CSMD1: variants seen among roughly 807,000 people sequenced by gnomAD.
CSMD1 encodes the protein CUB and Sushi multiple domains 1.
In CSMD1, 213 loss-of-function variants were observed where a neutral mutation model predicts 417.5. The ratio of observed to expected loss-of-function variants is 0.51; its 90% CI spans 0.46 to 0.57. The LOEUF (loss-of-function observed/expected upper bound fraction) is 0.57. Ranked by LOEUF, CSMD1 falls within the 20% of genes least tolerant of loss-of-function variation. The probability of loss-of-function intolerance (pLI) is 0.00; values close to 1 mark genes in which losing one functional copy is unlikely to be tolerated. For missense variants in CSMD1, 6,923 were observed against 4,529.7 expected (o/e 1.53, Z -15.17); for synonymous variants, 2,862 against 1,736.8 (o/e 1.65, Z -16.11).
chr8:4,046,512 C>G (rs3906471), intron 3 of CSMD1, among the ~76,000 whole-genome samples: 2 of 151,942 alleles, frequency 1.3e-5, no homozygotes, highest in Non-Finnish European at 1.5e-5. Context: ...TTTGTGGTTG[C>G]TGTTGCCTTA....
chr8:4,093,257 A>G (rs1217566837), intron 3 of CSMD1, among the ~76,000 whole-genome samples: 1 of 65,226 alleles, frequency 1.5e-5, no homozygotes, highest in South Asian at 4.4e-4. Context: ...TAATTAAGCT[A>G]AAAAATCACA....
At chr8:3,103,292 G>A (rs1485379014) in intron 46 of CSMD1, among the ~76,000 whole-genome samples, 1 of 152,084 alleles carries the variant, frequency 6.6e-6, no homozygotes, top group African/African-American at 2.4e-5. Flanking sequence ...CAGTTTATCT[G>A]CATCTCGTTA....
intron 10 of CSMD1, among the ~76,000 whole-genome samples, chr8:3,518,151 T>C (rs1027376722): frequency 6.6e-6 from 1 of 152,092 alleles, no homozygotes; most frequent in Non-Finnish European, 1.5e-5. Flanking sequence ...AAAAAAAGAA[T>C]GGAAATATAC....
At chr8:4,183,020 G>A (rs1798465036) in intron 3 of CSMD1, among the ~76,000 whole-genome samples, 1 of 152,170 alleles carries the variant, frequency 6.6e-6, no homozygotes, top group African/African-American at 2.4e-5. Context: ...TACATGGGAT[G>A]AGTAGAAAGT....
chr8:2,944,960 A>C (rs995210220), intron 68 of CSMD1, among the ~76,000 whole-genome samples: 1 of 152,220 alleles, frequency 6.6e-6, no homozygotes, highest in African/African-American at 2.4e-5. Context: ...CATGAAAACA[A>C]AGAACAACAC....
chr8:4,599,949 G>T (rs572593540), intron 2 of CSMD1, among the ~76,000 whole-genome samples: 1 of 152,082 alleles, frequency 6.6e-6, no homozygotes, highest in Non-Finnish European at 1.5e-5. Flanking sequence ...GATCTGACAC[G>T]CATATGCTCT....
intron 3 of CSMD1, among the ~76,000 whole-genome samples, chr8:4,249,928 A>C (rs924408555): frequency 6.6e-6 from 1 of 152,168 alleles, no homozygotes; most frequent in Non-Finnish European, 1.5e-5. Context: ...GGAAGTGTTT[A>C]GGTTATGAGG....
intron 3 of CSMD1, among the ~76,000 whole-genome samples, chr8:4,350,674 G>A (rs191683953): frequency 6.6e-5 from 10 of 152,224 alleles, no homozygotes; most frequent in Non-Finnish European, 1.3e-4. Context: ...GAACAAAGGT[G>A]TATTTTTCAT....
At chr8:4,205,080 A>T (rs1799897262) in intron 3 of CSMD1, among the ~76,000 whole-genome samples, 1 of 152,230 alleles carries the variant, frequency 6.6e-6, no homozygotes, top group Non-Finnish European at 1.5e-5. Context: ...GTTTACTGTA[A>T]ACATCAAATG....
chr8:4,313,925 A>T lies in CSMD1; in HGVS notation c.415+106028T>A, dbSNP rs1318569933. ...GCTACTTGGGAGGCTGAGTCAGGAG[A>T]GTCACTTGAACCTGGGAGGCAGAGG... On this transcript the variant is annotated intron_variant, in intron 3 of 69. Coordinates refer to ENST00000635120, the MANE Select transcript of CSMD1 (RefSeq NM_033225.6). 2.0e-5 allele frequency among the ~76,000 whole-genome samples: 3 copies of T among 151,948 alleles called. No homozygotes were observed. The South Asian group carries it at 6.2e-4, about 32-fold the overall frequency.
chr8:4,284,126 G>C (rs1242700855), intron 3 of CSMD1, among the ~76,000 whole-genome samples: 2 of 152,144 alleles, frequency 1.3e-5, no homozygotes, highest in Non-Finnish European at 2.9e-5. Flanking sequence ...CTAGCATTTT[G>C]GGAGGCCGAG....
chr8:3,762,650 G>A (rs758401000), intron 5 of CSMD1, among the ~76,000 whole-genome samples: 10 of 152,216 alleles, frequency 6.6e-5, no homozygotes, highest in Non-Finnish European at 8.8e-5. Flanking sequence ...TAATCGCCCT[G>A]CTGACGCCGT....
chr8:3,776,071 G>C (rs780611329), intron 5 of CSMD1, among the ~76,000 whole-genome samples: 1 of 152,052 alleles, frequency 6.6e-6, no homozygotes, highest in Non-Finnish European at 1.5e-5. Flanking sequence ...CACCTACCTT[G>C]TCCATACAAA....
intron 3 of CSMD1, among the ~76,000 whole-genome samples, chr8:4,307,217 A>G (rs976084793): frequency 2.0e-4 from 30 of 152,120 alleles, no homozygotes; most frequent in African/African-American, 7.0e-4. Flanking sequence ...CATTATTTTT[A>G]TAATACAGCT....
chr8:4,953,366 A>C (rs1392555739), intron 1 of CSMD1, among the ~76,000 whole-genome samples: 1 of 152,166 alleles, frequency 6.6e-6, no homozygotes, highest in African/African-American at 2.4e-5. Flanking sequence ...CTGAATCACC[A>C]TTTATGGAAG....
rs976210762 is a variant in CSMD1, at chr8:4,519,780, A to G, written c.303-99715T>C. 1.4e-3 allele frequency among the ~76,000 whole-genome samples: 184 copies of G among 131,926 alleles called. 1 individual carries two copies. The highest frequency in any genetic ancestry group is 2.3e-3 in the Non-Finnish European group (144 of 61,496). 86.5% of individuals were successfully genotyped at this position (131,926 alleles called of 152,430 possible). A position where few individuals can be genotyped will look rare whatever the true frequency, so the allele number is the denominator to read the frequency against. On this transcript the variant is annotated intron_variant, in intron 2 of 69. Transcript: ENST00000635120. ...AAAAAAAAAAAAAAAAAAAAAAAAA[A>G]AATTCTTGCCTTTTGGAGCCAGGGA...
chr8:3,971,992 G>A (rs186598572), intron 5 of CSMD1, among the ~76,000 whole-genome samples: 3 of 151,930 alleles, frequency 2.0e-5, no homozygotes, highest in African/African-American at 4.8e-5. Flanking sequence ...CTGCAGCCTT[G>A]ACCTCCCAGG....
At chr8:3,096,796 G>GT in intron 47 of CSMD1, 53 bp downstream of exon 47, 1 of 1,137,894 alleles carries the variant, frequency 8.8e-7, no homozygotes, top group African/African-American at 1.6e-5. Flanking sequence ...TTGTAATAGT[G>GT]TTTTTATCAA....
At chr8:3,941,287 T>C (rs1415248112) in intron 5 of CSMD1, among the ~76,000 whole-genome samples, 1 of 152,176 alleles carries the variant, frequency 6.6e-6, no homozygotes, top group African/African-American at 2.4e-5. Flanking sequence ...ATTCCCAAAA[T>C]ATTATTTTAA....
Sources: allele counts gnomAD v4.1 joint callset (sites outside exome capture counted in the v4.1 genomes callset), GRCh38; gene constraint gnomAD v4.1.1; transcripts MANE v1.5; gene names NCBI Gene and HGNC (gene_info 2026-07-23, HGNC 2026-07-21).